DPP10: variants seen among roughly 807,000 people sequenced by gnomAD.
The protein encoded by DPP10 is dipeptidyl peptidase like 10.
A neutral mutation model predicts 120.9 loss-of-function variants in DPP10; 33 were observed. The observed-to-expected ratio is 0.27, with a 90% CI of 0.21 to 0.37. DPP10 has a LOEUF of 0.37. Among genes scored for constraint, DPP10 ranks in the 10% least tolerant of loss-of-function variants. The pLI, the probability that DPP10 is intolerant of heterozygous loss-of-function variation, is 1.00. For missense variants in DPP10, 816 were observed against 942.8 expected, an observed-to-expected ratio of 0.87 and a Z score of 1.76; for synonymous variants, 337 against 326.1, an observed-to-expected ratio of 1.03 and a Z score of -0.36.
chr2:114,695,117 T>C (rs1470828494), intron 1 of DPP10, among the ~76,000 whole-genome samples: 1 of 152,008 alleles, frequency 6.6e-6, no homozygotes, highest in Non-Finnish European at 1.5e-5. Flanking sequence ...CAATTTTATT[T>C]CCAAACTGTT....
At chr2:114,487,020 C>T (rs536512987) in intron 1 of DPP10, among the ~76,000 whole-genome samples, 16 of 151,466 alleles carry the variant, frequency 1.1e-4, no homozygotes, top group African/African-American at 3.2e-4. Context: ...AAGTTCATTC[C>T]AGTGCTAAAA....
chr2:115,476,108 G>C (rs2075059696), intron 3 of DPP10, among the ~76,000 whole-genome samples: 1 of 152,124 alleles, frequency 6.6e-6, no homozygotes, highest in African/African-American at 2.4e-5. Context: ...GCCAGGGGTT[G>C]AATAATATGG....
intron 3 of DPP10, among the ~76,000 whole-genome samples, chr2:115,489,639 G>A (rs2075993789): frequency 6.7e-6 from 1 of 149,360 alleles, no homozygotes; most frequent in South Asian, 2.1e-4. Flanking sequence ...AATTAAGCTG[G>A]TACAATTTGA....
At chr2:115,518,448 A>C (rs1226836680) in intron 4 of DPP10, among the ~76,000 whole-genome samples, 1 of 152,120 alleles carries the variant, frequency 6.6e-6, no homozygotes, top group Non-Finnish European at 1.5e-5. Context: ...TCTTTGAAGC[A>C]CTACTATTTT....
At chr2:114,563,040 G>C (rs1688892069) in intron 1 of DPP10, among the ~76,000 whole-genome samples, 1 of 152,132 alleles carries the variant, frequency 6.6e-6, no homozygotes. Flanking sequence ...CAATTAATAT[G>C]ACTGTTTTTC....
intron 5 of DPP10, among the ~76,000 whole-genome samples, chr2:115,655,503 T>G (rs984330347): frequency 3.3e-5 from 5 of 151,668 alleles, no homozygotes; most frequent in Non-Finnish European, 4.4e-5. Flanking sequence ...AATTATGCTT[T>G]GCTCATCAAT....
chr2:114,795,906 G>C (rs995985258), intron 1 of DPP10, among the ~76,000 whole-genome samples: 1 of 152,090 alleles, frequency 6.6e-6, no homozygotes. Context: ...ATTAACAGTA[G>C]AGAGAAATGT....
intron 11 of DPP10, among the ~76,000 whole-genome samples, chr2:115,753,861 G>A (rs766209282): frequency 6.6e-6 from 1 of 152,108 alleles, no homozygotes; most frequent in Non-Finnish European, 1.5e-5. Context: ...TCCTGGTAGA[G>A]AAAACACTGC....
intron 5 of DPP10, among the ~76,000 whole-genome samples, chr2:115,604,204 T>G (rs1298638342): frequency 6.6e-6 from 1 of 152,062 alleles, no homozygotes; most frequent in Non-Finnish European, 1.5e-5. Context: ...TTTTGTTAAG[T>G]TGGGTGATGA....
chr2:115,446,740 T>C (rs970258766), intron 3 of DPP10, among the ~76,000 whole-genome samples: 2 of 152,134 alleles, frequency 1.3e-5, no homozygotes, highest in African/African-American at 2.4e-5. Context: ...GGGAAAGGGA[T>C]GTGCTTATTA....
At chr2:114,461,906 A>G (rs1249163446) in intron 1 of DPP10, 16 of 985,410 alleles carry the variant, frequency 1.6e-5, no homozygotes, top group Non-Finnish European at 1.8e-5. Flanking sequence ...GGGAGATGAG[A>G]GCTGCGTGGA....
chr2:115,571,693 CT>C (rs11462795), intron 5 of DPP10, among the ~76,000 whole-genome samples: 694 of 116,920 alleles, frequency 5.9e-3, no homozygotes, highest in Non-Finnish European at 8.1e-3. Context: ...GTTGTTGTTC[CT>C]TTTTTTTTTT....
intron 1 of DPP10, among the ~76,000 whole-genome samples, chr2:115,077,728 T>C (rs750777438): frequency 6.6e-6 from 1 of 152,232 alleles, no homozygotes; most frequent in Non-Finnish European, 1.5e-5. Context: ...CGTGGGCCTG[T>C]TGCCCTCAAG....
intron 5 of DPP10, among the ~76,000 whole-genome samples, chr2:115,650,443 A>G (rs940132995): frequency 1.3e-5 from 2 of 151,856 alleles, no homozygotes; most frequent in African/African-American, 4.8e-5. Flanking sequence ...GACAACTGGT[A>G]AAGATAATCA....
chr2:115,567,536 T>TTA (rs1553450566), intron 5 of DPP10, among the ~76,000 whole-genome samples: 1 of 127,314 alleles, frequency 7.9e-6, no homozygotes, highest in Non-Finnish European at 1.8e-5. Flanking sequence ...ATTTTCTCAT[T>TTA]TTTTTTTTTT....
At chr2:115,641,230 GTCC>G (rs1264312481) in intron 5 of DPP10, among the ~76,000 whole-genome samples, 1 of 152,102 alleles carries the variant, frequency 6.6e-6, no homozygotes, top group Non-Finnish European at 1.5e-5. Flanking sequence ...TTCCACAAGA[GTCC>G]ATCGTCTACT....
At chr2:115,060,185 T>C (rs1183440998) in intron 1 of DPP10, among the ~76,000 whole-genome samples, 2 of 149,482 alleles carry the variant, frequency 1.3e-5, no homozygotes, top group Non-Finnish European at 3.0e-5. Context: ...TATATAGAGG[T>C]AGGTGATAAA....
chr2:115,071,709 G>A (rs145235247), intron 1 of DPP10, among the ~76,000 whole-genome samples: 3 of 152,086 alleles, frequency 2.0e-5, no homozygotes, highest in East Asian at 1.9e-4. Context: ...TGAGCTCTAC[G>A]GAGCATTTGG....
intron 1 of DPP10, among the ~76,000 whole-genome samples, chr2:115,094,882 C>A (rs1709585278): frequency 6.6e-6 from 1 of 152,092 alleles, no homozygotes; most frequent in African/African-American, 2.4e-5. Context: ...GCATACATAA[C>A]AATTTAAAAT....
Sources: allele counts gnomAD v4.1 joint callset (sites outside exome capture counted in the v4.1 genomes callset), GRCh38; gene constraint gnomAD v4.1.1; transcripts MANE v1.5; gene names NCBI Gene and HGNC (gene_info 2026-07-23, HGNC 2026-07-21).